TOX: variants seen among roughly 807,000 people sequenced by gnomAD.
TOX encodes thymocyte selection-associated high mobility group box protein TOX.
Under a neutral mutation model 53.7 loss-of-function variants are expected in TOX, and 11 were observed. That is an observed-to-expected ratio of 0.20 (90% confidence interval 0.13 to 0.34). The LOEUF is 0.34. Among genes scored for constraint, TOX ranks in the 10% least tolerant of loss-of-function variants. TOX has a pLI of 1.00. For synonymous variants in TOX, 225 were observed against 245.3 expected (o/e 0.92, Z 0.77); for missense variants, 570 against 664.6 (o/e 0.86, Z 1.56).
At chr8:59,092,224 C>T (rs1211878163) in intron 1 of TOX, among the ~76,000 whole-genome samples, 2 of 130,926 alleles carry the variant, frequency 1.5e-5, no homozygotes, top group African/African-American at 3.4e-5. Flanking sequence ...TGCACTCCAG[C>T]CTGGGCGAAA....
intron 1 of TOX, among the ~76,000 whole-genome samples, chr8:59,049,464 T>C (rs1210064629): frequency 3.9e-5 from 6 of 152,204 alleles, no homozygotes; most frequent in Non-Finnish European, 7.4e-5. Flanking sequence ...TTTTTTAATA[T>C]AGATTAAAAC....
chr8:58,922,767 T>G (rs994409635), intron 3 of TOX, among the ~76,000 whole-genome samples: 1 of 152,206 alleles, frequency 6.6e-6, no homozygotes, highest in African/African-American at 2.4e-5. Flanking sequence ...AAGTGGCTGA[T>G]ATTTATTCAC....
chr8:59,000,454 T>C (rs1325172937), intron 1 of TOX, among the ~76,000 whole-genome samples: 1 of 152,136 alleles, frequency 6.6e-6, no homozygotes, highest in Admixed American at 6.5e-5. Context: ...TATAGAAAAA[T>C]GCAATTAGTT....
chr8:59,110,743 G>C (rs1373400658), intron 1 of TOX, among the ~76,000 whole-genome samples: 1 of 151,680 alleles, frequency 6.6e-6, no homozygotes, highest in African/African-American at 2.4e-5. Flanking sequence ...CCCCCGGGGG[G>C]CCTATCAATA....
At chr8:58,853,270 G>A (rs892533401) in intron 3 of TOX, among the ~76,000 whole-genome samples, 4 of 152,072 alleles carry the variant, frequency 2.6e-5, no homozygotes, top group Non-Finnish European at 4.4e-5. Context: ...TTCTAAGTCC[G>A]AATCAACGTT....
rs577184778 is a variant in TOX, at chr8:59,041,598, C to A, written c.102+77288G>T. Among the ~76,000 whole-genome samples, 7 of 152,334 alleles carry A rather than the reference C, an allele frequency of 4.6e-5. No homozygotes were observed. In the East Asian group the frequency reaches 5.8e-4, roughly 13 times the overall value. On this transcript the variant is annotated intron_variant, in intron 1 of 8. Coordinates refer to ENST00000361421, the MANE Select transcript of TOX (RefSeq NM_014729.3). ...AACCTGAATCAAATCCTAGCTTGAC[C>A]ACTCACTAGCTGTATAAACTCCAGC...
intron 3 of TOX, among the ~76,000 whole-genome samples, chr8:58,907,353 A>G (rs538408871): frequency 1.8e-4 from 27 of 151,994 alleles, no homozygotes; most frequent in African/African-American, 6.3e-4. Context: ...GGGAGTTAAA[A>G]ATACAGGATT....
chr8:58,969,728 T>G (rs1188806370), intron 1 of TOX, among the ~76,000 whole-genome samples: 1 of 152,198 alleles, frequency 6.6e-6, no homozygotes, highest in Non-Finnish European at 1.5e-5. Context: ...CCACTCCTGT[T>G]TGATTTTTTA....
chr8:58,814,024 C>T (rs909435735), intron 7 of TOX, among the ~76,000 whole-genome samples: 10 of 152,152 alleles, frequency 6.6e-5, no homozygotes, highest in Non-Finnish European at 1.5e-4. Flanking sequence ...GCCTCAGTGT[C>T]TTCCTCTAAA....
At chr8:59,089,644 G>A (rs1003010566) in intron 1 of TOX, among the ~76,000 whole-genome samples, 5 of 152,346 alleles carry the variant, frequency 3.3e-5, no homozygotes, top group African/African-American at 1.2e-4. Flanking sequence ...AGGCTGGACG[G>A]CAGTCGTCAA....
At chr8:58,970,334 G>C (rs942062423) in intron 1 of TOX, among the ~76,000 whole-genome samples, 1 of 152,040 alleles carries the variant, frequency 6.6e-6, no homozygotes, top group Admixed American at 6.6e-5. Flanking sequence ...CCATCTCTAT[G>C]CTTACCCATC....
rs1812827585 is a variant in TOX, at chr8:58,963,019, A to T, written c.103-3011T>A. On this transcript the variant is annotated intron_variant, in intron 1 of 8. Coordinates refer to ENST00000361421, the MANE Select transcript of TOX (RefSeq NM_014729.3). ...CAAGGTGGGTGGGCCTCAGCCAATTAGTTGAAGGCTTGACTAGAACAGTAA... is the reference window on the plus strand; with the variant it reads ...CAAGGTGGGTGGGCCTCAGCCAATTTGTTGAAGGCTTGACTAGAACAGTAA... 2.0e-5 allele frequency among the ~76,000 whole-genome samples: 3 copies of T among 152,228 alleles called. No homozygotes were observed. The South Asian group carries it at 6.2e-4, about 32-fold the overall frequency.
chr8:58,965,908 T>TG (rs1812889318), intron 1 of TOX, among the ~76,000 whole-genome samples: 1 of 145,572 alleles, frequency 6.9e-6, no homozygotes, highest in South Asian at 2.3e-4. Context: ...TTTTTTTTTT[T>TG]TTTTTTTTTT....
At chr8:59,069,256 C>T (rs1185459219) in intron 1 of TOX, among the ~76,000 whole-genome samples, 2 of 152,150 alleles carry the variant, frequency 1.3e-5, no homozygotes, top group African/African-American at 2.4e-5. Flanking sequence ...AGTCCATTGG[C>T]TACAGAAGTT....
rs1810003880 is a variant in TOX, at chr8:58,807,739, T to C, written c.*8A>G. 1.2e-6 allele frequency: 2 copies of C among 1,614,018 alleles called. No homozygotes were observed. The highest frequency in any genetic ancestry group is 2.2e-5 in the East Asian group (1 of 44,872). On this transcript the variant is annotated 3_prime_UTR_variant, in exon 9 of 9. Transcript: ENST00000361421. ...ATTCCTCAGTGGAAAGAAGAGGTGTTCAGATTCTCAAGTAAGGTACAGTGC... is the reference window on the plus strand; with the variant it reads ...ATTCCTCAGTGGAAAGAAGAGGTGTCCAGATTCTCAAGTAAGGTACAGTGC...
chr8:59,023,226 A>T (rs1047116155), intron 1 of TOX, among the ~76,000 whole-genome samples: 8 of 148,176 alleles, frequency 5.4e-5, no homozygotes, highest in East Asian at 2.0e-4. Context: ...AGAATAATTT[A>T]TGAATCCAGT....
intron 1 of TOX, among the ~76,000 whole-genome samples, chr8:59,047,395 T>C (rs947969473): frequency 8.8e-5 from 13 of 148,232 alleles, no homozygotes; most frequent in African/African-American, 3.2e-4. Context: ...TTTTTTTTTA[T>C]TTTTTTATTT....
chr8:59,061,823 G>C (rs967875988), intron 1 of TOX, among the ~76,000 whole-genome samples: 2 of 152,000 alleles, frequency 1.3e-5, no homozygotes, highest in Non-Finnish European at 2.9e-5. Context: ...CAAAATCCAC[G>C]TGCGCCCATG....
intron 3 of TOX, among the ~76,000 whole-genome samples, chr8:58,863,971 G>A (rs925078249): frequency 7.1e-6 from 1 of 140,164 alleles, no homozygotes; most frequent in African/African-American, 2.7e-5. Flanking sequence ...GCATCACTTA[G>A]AATTAAGAAT....
Sources: gnomAD v4.1 joint callset for allele counts (sites outside exome capture counted in the v4.1 genomes callset) on GRCh38, gnomAD v4.1.1 for gene constraint, MANE v1.5 for transcripts, NCBI Gene and HGNC (gene_info 2026-07-23, HGNC 2026-07-21) for gene names.